ADGRL3: variants seen among roughly 807,000 people sequenced by gnomAD.
ADGRL3 encodes calcium-independent alpha-latrotoxin receptor 3.
Under a neutral mutation model 153.5 loss-of-function variants are expected in ADGRL3, and 62 were observed. That is an observed-to-expected ratio of 0.40 (90% CI 0.33 to 0.50). The LOEUF is 0.50. ADGRL3 is among the 20% of genes least tolerant of loss of function. The pLI is 0.47. For synonymous variants in ADGRL3, 710 were observed against 672.5 expected (o/e 1.06, Z -0.86); for missense variants, 1,641 against 1,859.4 (o/e 0.88, Z 2.16).
intron 5 of ADGRL3, among the ~76,000 whole-genome samples, chr4:61,657,880 G>A (rs1365909591): frequency 6.6e-6 from 1 of 152,148 alleles, no homozygotes; most frequent in East Asian, 1.9e-4. Flanking sequence ...AATAAACATT[G>A]GAGAGGAAGA....
At chr4:61,623,864 C>A (rs2092680235) in intron 5 of ADGRL3, among the ~76,000 whole-genome samples, 1 of 151,944 alleles carries the variant, frequency 6.6e-6, no homozygotes, top group South Asian at 2.1e-4. Context: ...TCATGTGTAA[C>A]CCCTAAAAGG....
chr4:62,022,175 G>A (rs927092848), intron 21 of ADGRL3, among the ~76,000 whole-genome samples: 6 of 152,180 alleles, frequency 3.9e-5, no homozygotes, highest in African/African-American at 1.4e-4. Flanking sequence ...TGCCTCAAAA[G>A]TTTTAGTGGT....
intron 8 of ADGRL3, among the ~76,000 whole-genome samples, chr4:61,766,310 A>G (rs1029993853): frequency 1.3e-5 from 2 of 151,986 alleles, no homozygotes; most frequent in Non-Finnish European, 2.9e-5. Flanking sequence ...AGTTATGAGA[A>G]CTGTAGAGAG....
At chr4:62,063,855 A>G (rs1413690822) in intron 25 of ADGRL3, among the ~76,000 whole-genome samples, 1 of 152,040 alleles carries the variant, frequency 6.6e-6, no homozygotes, top group Non-Finnish European at 1.5e-5. Context: ...CTGATTCATC[A>G]ATATGTGTTT....
At chr4:61,946,212 A>G (rs545250885) in intron 15 of ADGRL3, among the ~76,000 whole-genome samples, 3 of 152,160 alleles carry the variant, frequency 2.0e-5, no homozygotes, top group Non-Finnish European at 4.4e-5. Context: ...TTTCTTCCAC[A>G]TCCTTATCAA....
intron 2 of ADGRL3, 109 bp from the exon 3 acceptor site, chr4:61,497,012 A>C (rs982878276): frequency 8.6e-6 from 3 of 346,938 alleles, no homozygotes; most frequent in East Asian, 1.3e-4. Flanking sequence ...TTTCATTAAG[A>C]TCTGAGGCCA....
At chr4:61,664,885 CT>C (rs2094729978) in intron 5 of ADGRL3, among the ~76,000 whole-genome samples, 1 of 152,146 alleles carries the variant, frequency 6.6e-6, no homozygotes, top group African/African-American at 2.4e-5. Context: ...CCCCCATCCT[CT>C]TCTTCCTTGC....
intron 4 of ADGRL3, among the ~76,000 whole-genome samples, chr4:61,554,334 C>A (rs942091697): frequency 6.6e-6 from 1 of 151,870 alleles, no homozygotes; most frequent in African/African-American, 2.4e-5. Context: ...GCTGGGATTA[C>A]AGGCGCGTGC....
At chr4:61,345,525 ATGT>A (rs2095882490) in intron 1 of ADGRL3, among the ~76,000 whole-genome samples, 2 of 152,212 alleles carry the variant, frequency 1.3e-5, no homozygotes, top group African/African-American at 4.8e-5. Flanking sequence ...CAAAAAACTC[ATGT>A]TAACTTAATA....
At chr4:61,653,170 TCACACACACA>T (rs34273823) in intron 5 of ADGRL3, among the ~76,000 whole-genome samples, 4 of 91,082 alleles carry the variant, frequency 4.4e-5, no homozygotes, top group South Asian at 6.7e-4. Context: ...TCTCTCTCTC[TCACACACACA>T]CACACACACA....
Position 61,202,728 on chromosome 4 carries a change from C to A in ADGRL3, c.-240+963C>A, listed in dbSNP as rs1735332567. On this transcript the variant is annotated intron_variant, in intron 1 of 26. Coordinates refer to ENST00000683033, the MANE Select transcript of ADGRL3 (RefSeq NM_001387552.1). The surrounding 1 kb of genome is among the most constrained non-coding windows in gnomAD (Gnocchi z 5.0). ...AGCTCAGAAGCTTAGGGTGCCAGGC[C>A]CCCAGCACTATAGGTGGGTGTGTGT... 6.6e-6 allele frequency among the ~76,000 whole-genome samples: 1 copy of A among 152,232 alleles called. No individual in the cohort carries two copies. Among genetic ancestry groups the A allele is most frequent in the Middle Eastern group, 3.4e-3 (1 of 294 alleles).
chr4:62,013,183 A>G (rs2099194585), intron 21 of ADGRL3, among the ~76,000 whole-genome samples: 4 of 152,168 alleles, frequency 2.6e-5, no homozygotes. Flanking sequence ...ACGGGAAATC[A>G]TATGCACTGG....
chr4:61,891,221 G>A lies in ADGRL3; in HGVS notation c.1481-1435G>A, dbSNP rs1473904390. 5.3e-5 allele frequency among the ~76,000 whole-genome samples: 8 copies of A among 151,968 alleles called. No individual in the cohort carries two copies. The East Asian group carries it at 1.4e-3, about 26-fold the overall frequency. ...GATGATTAGAAAGAAAAAAATAGAT[G>A]GATTTCAAATAGAGGCATGAGACAG... On this transcript the variant is annotated intron_variant, in intron 9 of 26. Coordinates refer to ENST00000683033, the MANE Select transcript of ADGRL3 (RefSeq NM_001387552.1).
intron 10 of ADGRL3, among the ~76,000 whole-genome samples, chr4:61,893,802 G>A (rs185072342): frequency 1.3e-5 from 2 of 148,944 alleles, no homozygotes; most frequent in African/African-American, 5.0e-5. Context: ...CCGCCTCCAG[G>A]GTTCAAGTGA....
At chr4:61,750,023 T>G (rs1265028991) in intron 8 of ADGRL3, among the ~76,000 whole-genome samples, 2 of 151,998 alleles carry the variant, frequency 1.3e-5, no homozygotes, top group African/African-American at 4.8e-5. Flanking sequence ...TTCCTTTCTT[T>G]CCTTCAGACA....
At chr4:61,921,950 A>G (rs991440406) in intron 13 of ADGRL3, among the ~76,000 whole-genome samples, 17 of 152,192 alleles carry the variant, frequency 1.1e-4, no homozygotes, top group African/African-American at 4.1e-4. Context: ...CAGCAGAACA[A>G]CTTACCTCTT....
At chr4:61,556,954 ACT>A (rs2098770050) in intron 4 of ADGRL3, among the ~76,000 whole-genome samples, 1 of 151,998 alleles carries the variant, frequency 6.6e-6, no homozygotes, top group African/African-American at 2.4e-5. Context: ...TGTATTTTAG[ACT>A]CTCTTCAGCA....
intron 6 of ADGRL3, among the ~76,000 whole-genome samples, chr4:61,713,904 G>A (rs182596944): frequency 6.6e-6 from 1 of 152,254 alleles, no homozygotes; most frequent in Admixed American, 6.5e-5. Flanking sequence ...ATCATCAGGT[G>A]TATCTAAGCT....
intron 6 of ADGRL3, among the ~76,000 whole-genome samples, chr4:61,716,432 A>G (rs545943833): frequency 9.9e-5 from 15 of 152,170 alleles, no homozygotes; most frequent in Non-Finnish European, 2.2e-4. Context: ...TTGCAAGATA[A>G]ATACGTACCG....
Sources: allele counts gnomAD v4.1 joint callset (sites outside exome capture counted in the v4.1 genomes callset), GRCh38; gene constraint gnomAD v4.1.1; non-coding constraint Gnocchi (gnomAD v3.1); transcripts MANE v1.5; gene names NCBI Gene and HGNC (gene_info 2026-07-23, HGNC 2026-07-21).